Variants in CUX2 observed in about 807,000 individuals in gnomAD.
The protein encoded by CUX2 is cut like homeobox 2, also known as homeobox protein cut-like 2.
In CUX2, 40 loss-of-function variants were observed where a neutral mutation model predicts 144.8. The observed-to-expected ratio is 0.28, with a 90% CI of 0.21 to 0.36. The LOEUF (loss-of-function observed/expected upper bound fraction) is 0.36. Ranked by LOEUF, CUX2 falls within the 10% of genes least tolerant of loss-of-function variation. CUX2 has a pLI of 1.00. For synonymous variants in CUX2, 827 were observed against 875.6 expected (o/e 0.94, Z 0.98); for missense variants, 1,615 against 1,994.0 (o/e 0.81, Z 3.62).
At chr12:111,176,039 CTTTTTTT>C (rs1172563784) in intron 1 of CUX2, among the ~76,000 whole-genome samples, 6 of 70,208 alleles carry the variant, frequency 8.5e-5, no homozygotes, top group Non-Finnish European at 1.3e-4. Context: ...TCTTCTTCTT[CTTTTTTT>C]TTTTTTTTTT....
Position 111,034,929 on chromosome 12 carries a change from C to T in CUX2, c.63+689C>T, listed in dbSNP as rs573231317. On this transcript the variant is annotated intron_variant, in intron 1 of 21. Coordinates refer to ENST00000261726, the MANE Select transcript of CUX2 (RefSeq NM_015267.4). This position sits in a 1 kb window ranked among gnomAD's most constrained non-coding sequence, Gnocchi z 4.2. ...CAAGCGCCGGCAGACCTCTTCTCCT[C>T]GGGCCGGGGTCTTGGGGTTCGTCTT... Among the ~76,000 whole-genome samples, 6 of 151,820 alleles carry T rather than the reference C, an allele frequency of 4.0e-5. No homozygotes were observed. In the South Asian group the frequency reaches 1.0e-3, roughly 26 times the overall value.
chr12:111,225,433 C>T (rs915994530), intron 3 of CUX2, among the ~76,000 whole-genome samples: 8 of 152,162 alleles, frequency 5.3e-5, no homozygotes, highest in African/African-American at 1.7e-4. Flanking sequence ...CATCACTTAG[C>T]GGGATGCCTG....
chr12:111,105,957 T>C (rs540458084), intron 1 of CUX2, among the ~76,000 whole-genome samples: 2 of 150,052 alleles, frequency 1.3e-5, no homozygotes, highest in Non-Finnish European at 3.0e-5. Context: ...CTTGACCTCC[T>C]GGGCTCAAGT....
rs940646656 is a variant in CUX2, at chr12:111,277,959, G to A, written c.302-13459G>A. On this transcript the variant is annotated intron_variant, in intron 4 of 21. Transcript: ENST00000261726. This position sits in a 1 kb window ranked among gnomAD's most constrained non-coding sequence, Gnocchi z 5.0. ...TCTGAAAGCAGGAGGCTGCAGGGGA[G>A]AAGTCATTTCCTTGTCTTTTCCACC... is the stretch of plus-strand genomic sequence containing the variant. Among the ~76,000 whole-genome samples the A allele has an allele frequency of 6.6e-6, 1 of 152,216 alleles. No homozygotes were observed. Among genetic ancestry groups the A allele is most frequent in the African/African-American group, 2.4e-5 (1 of 41,446 alleles).
intron 1 of CUX2, among the ~76,000 whole-genome samples, chr12:111,111,993 C>T (rs886092700): frequency 6.6e-6 from 1 of 152,168 alleles, no homozygotes; most frequent in African/African-American, 2.4e-5. Context: ...GTCTGTACCT[C>T]CCAAAGGTGA....
intron 1 of CUX2, among the ~76,000 whole-genome samples, chr12:111,147,345 G>T (rs963858827): frequency 2.0e-5 from 3 of 152,144 alleles, no homozygotes; most frequent in Non-Finnish European, 4.4e-5. Flanking sequence ...TGCTCCCCCA[G>T]CCAGGTGGCC....
chr12:111,194,195 C>A (rs1459026656), intron 1 of CUX2, among the ~76,000 whole-genome samples: 2 of 152,176 alleles, frequency 1.3e-5, no homozygotes, highest in Non-Finnish European at 2.9e-5. Flanking sequence ...AGTGACTTAA[C>A]CTCTCTGTGC....
chr12:111,124,001 CACATA>C (rs1334847344), intron 1 of CUX2, among the ~76,000 whole-genome samples: 2 of 152,154 alleles, frequency 1.3e-5, no homozygotes, highest in Non-Finnish European at 2.9e-5. Flanking sequence ...CAGTGAAAGT[CACATA>C]ACATAAAATT....
At position 111,322,151 on chromosome 12, in the gene CUX2, C is replaced by T. The variant is rs142279344; in HGVS notation, c.2767-270C>T. Among the ~76,000 whole-genome samples the T allele has an allele frequency of 8.6e-5, 13 of 151,904 alleles. No individual in the cohort carries two copies. Among genetic ancestry groups the T allele is most frequent in the African/African-American group, 3.1e-4 (13 of 41,354 alleles). ...TGGCCAATGTGGCAAAACCCCATCT[C>T]TACTAAAAATACAAAAATTAGCCAG... On this transcript the variant is annotated intron_variant, in intron 17 of 21. Coordinates refer to ENST00000261726, the MANE Select transcript of CUX2 (RefSeq NM_015267.4). The surrounding 1 kb of genome is among the most constrained non-coding windows in gnomAD (Gnocchi z 4.2).
chr12:111,233,877 C>T (rs1457585633), intron 3 of CUX2, among the ~76,000 whole-genome samples: 5 of 152,130 alleles, frequency 3.3e-5, no homozygotes, highest in Non-Finnish European at 7.4e-5. Flanking sequence ...CACAGTCTAG[C>T]GCTGGTTGAT....
rs1437910934 is a variant in CUX2, at chr12:111,034,790, C to A, written c.63+550C>A. ...GTTGGCGAGGAGGCGGCTCCGCGCCCCGCCGCTCGCCGGCACCTCAGCCTT... is the reference window on the plus strand; with the variant it reads ...GTTGGCGAGGAGGCGGCTCCGCGCCACGCCGCTCGCCGGCACCTCAGCCTT... On this transcript the variant is annotated intron_variant, in intron 1 of 21. Coordinates refer to ENST00000261726, the MANE Select transcript of CUX2 (RefSeq NM_015267.4). The surrounding 1 kb of genome is among the most constrained non-coding windows in gnomAD (Gnocchi z 4.2). Among the ~76,000 whole-genome samples, 1 of 149,728 alleles carries A rather than the reference C, an allele frequency of 6.7e-6. No individual in the cohort carries two copies. Among genetic ancestry groups the A allele is most frequent in the African/African-American group, 2.4e-5 (1 of 41,162 alleles).
chr12:111,083,568 A>T (rs1872027820), intron 1 of CUX2, among the ~76,000 whole-genome samples: 1 of 152,150 alleles, frequency 6.6e-6, no homozygotes, highest in African/African-American at 2.4e-5. Flanking sequence ...TGAATGAATG[A>T]GCCAGATATA....
intron 1 of CUX2, among the ~76,000 whole-genome samples, chr12:111,052,054 C>T (rs1430821519): frequency 1.3e-5 from 2 of 152,148 alleles, no homozygotes; most frequent in Non-Finnish European, 2.9e-5. Context: ...TCCTGAGCCA[C>T]ATTCCCTATG....
In CUX2 at chr12:111,120,184, C is replaced by G. The variant is rs143275146; in HGVS notation, c.63+85944C>G. 3.3e-5 allele frequency among the ~76,000 whole-genome samples: 5 copies of G among 152,272 alleles called. No individual in the cohort carries two copies. The East Asian group carries it at 9.6e-4, about 29-fold the overall frequency. The stretch of plus-strand genomic sequence containing the variant: ...TCTTTTGGTTGTGTTTCTCTAAATT[C>G]TATGAGGACAGCAACTCTCTTCATT... On this transcript the variant is annotated intron_variant, in intron 1 of 21. Coordinates refer to ENST00000261726, the MANE Select transcript of CUX2 (RefSeq NM_015267.4).
At chr12:111,269,451 G>C (rs1027623562) in intron 4 of CUX2, among the ~76,000 whole-genome samples, 2 of 152,116 alleles carry the variant, frequency 1.3e-5, no homozygotes, top group African/African-American at 4.8e-5. Flanking sequence ...CTGGACACTG[G>C]GAACACAGCT....
intron 1 of CUX2, among the ~76,000 whole-genome samples, chr12:111,134,620 C>CTCTCTCTCTCTGTGTGTG (rs1026548098): frequency 7.0e-6 from 1 of 142,130 alleles, no homozygotes; most frequent in African/African-American, 2.8e-5. Flanking sequence ...CTCTCTCTCT[C>CTCTCTCTCTCTGTGTGTG]TGTGTGTGTG....
chr12:111,310,194 A>T lies in CUX2; in HGVS notation c.1412A>T (p.Asp471Val). 1 of 1,534,578 alleles carries T rather than the reference A, an allele frequency of 6.5e-7. No homozygotes were observed. Among genetic ancestry groups the T allele is most frequent in the South Asian group, 1.3e-5 (1 of 78,558 alleles). Residue 471 changes from aspartate to valine, a missense_variant, in exon 15 of 22, where the codon GAC (aspartate) becomes GTC (valine). By Grantham distance (152) the Asp-to-Val change is radical. Coordinates refer to ENST00000261726, the MANE Select transcript of CUX2 (RefSeq NM_015267.4). The surrounding 1 kb of genome is among the most constrained non-coding windows in gnomAD (Gnocchi z 7.9). ...CTGCTGGGCCCCAGCTTGGGGCCTG[A>T]CGGCACTCGGACTTTCTCGCTGTCC... is the stretch of plus-strand genomic sequence containing the variant. Reference protein sequence around the residue: ...QPLLGPSLGPDGTRTFSLSPF... With the variant: ...QPLLGPSLGPVGTRTFSLSPF...
chr12:111,077,292 G>A lies in CUX2; in HGVS notation c.63+43052G>A, dbSNP rs569133621. 2.6e-5 allele frequency among the ~76,000 whole-genome samples: 4 copies of A among 152,290 alleles called. No individual in the cohort carries two copies. Among genetic ancestry groups the A allele is most frequent in the African/African-American group, 4.8e-5 (2 of 41,568 alleles). On this transcript the variant is annotated intron_variant, in intron 1 of 21. Transcript: ENST00000261726. The surrounding 1 kb of genome is among the most constrained non-coding windows in gnomAD (Gnocchi z 4.1). Reference sequence around the variant, plus strand: ...AGGCCTTTCCTTGAAACGCGCAGCCGTGTGGCAGGGCCCGGGAAGACGTGG... The same window carrying A: ...AGGCCTTTCCTTGAAACGCGCAGCCATGTGGCAGGGCCCGGGAAGACGTGG...
At chr12:111,153,782 A>T (rs1877209930) in intron 1 of CUX2, among the ~76,000 whole-genome samples, 1 of 152,178 alleles carries the variant, frequency 6.6e-6, no homozygotes, top group Admixed American at 6.5e-5. Flanking sequence ...ATCTCAGTAT[A>T]TTCGTTTGCT....
Sources: gnomAD v4.1 joint callset for allele counts (sites outside exome capture counted in the v4.1 genomes callset) on GRCh38, gnomAD v4.1.1 for gene constraint, Gnocchi (gnomAD v3.1) non-coding constraint, MANE v1.5 for transcripts, NCBI Gene and HGNC (gene_info 2026-07-23, HGNC 2026-07-21) for gene names.